The following SUGCT variants were observed in gnomAD, a reference collection of about 807,000 sequenced individuals.
SUGCT encodes succinyl-CoA:glutarate-CoA transferase.
In SUGCT, 41 loss-of-function variants were observed where a neutral mutation model predicts 55.0. That is an observed-to-expected ratio of 0.74 (90% confidence interval 0.58 to 0.97). The LOEUF is 0.97. Ranked by LOEUF, SUGCT falls within the 50% of genes least tolerant of loss-of-function variation. The probability of loss-of-function intolerance (pLI) is 0.00; values close to 1 mark genes in which losing one functional copy is unlikely to be tolerated. For synonymous variants in SUGCT, 187 were observed against 200.4 expected, an observed-to-expected ratio of 0.93 and a Z score of 0.56; for missense variants, 568 against 547.8, an observed-to-expected ratio of 1.04 and a Z score of -0.37.
At chr7:40,377,208 C>T (rs1194418820) in intron 9 of SUGCT, among the ~76,000 whole-genome samples, 73 of 5,382 alleles carry the variant, frequency 0.014, no homozygotes, top group Middle Eastern at 0.12. Flanking sequence ...CTTTTCTTTT[C>T]TTTTCTTTCT....
chr7:40,495,098 G>T (rs1394875420), intron 11 of SUGCT, among the ~76,000 whole-genome samples: 2 of 151,968 alleles, frequency 1.3e-5, no homozygotes. Context: ...TTTTAGTAGA[G>T]ACAGGGTTTC....
chr7:40,153,767 T>G, intron 1 of SUGCT: 1 of 421,146 alleles, frequency 2.4e-6, no homozygotes, highest in South Asian at 2.0e-5. Flanking sequence ...AAGAGCCAAA[T>G]TAAAGAAGGC....
chr7:40,907,833 A>T, the SUGCT span, among the ~76,000 whole-genome samples: 7 of 152,190 alleles, frequency 4.6e-5, no homozygotes, highest in Admixed American at 2.0e-4. Context: ...GTTTGACATC[A>T]TCCTCACCAA....
chr7:40,291,283 A>C (rs1483286584), intron 8 of SUGCT, among the ~76,000 whole-genome samples: 2 of 151,976 alleles, frequency 1.3e-5, no homozygotes, highest in Admixed American at 1.3e-4. Context: ...AGACTGGATT[A>C]AGAAAATGTG....
At chr7:40,328,405 G>A (rs935551098) in intron 9 of SUGCT, among the ~76,000 whole-genome samples, 2 of 152,158 alleles carry the variant, frequency 1.3e-5, no homozygotes, top group African/African-American at 4.8e-5. Context: ...GGTTTTAGCT[G>A]TTGTGAGACT....
intron 13 of SUGCT, among the ~76,000 whole-genome samples, chr7:40,771,986 C>T (rs1287167742): frequency 6.6e-6 from 1 of 152,042 alleles, no homozygotes; most frequent in African/African-American, 2.4e-5. Flanking sequence ...CATCTTGCTC[C>T]TTAAAACTAG....
chr7:40,469,960 T>C (rs1790319696), intron 11 of SUGCT, among the ~76,000 whole-genome samples: 1 of 152,134 alleles, frequency 6.6e-6, no homozygotes, highest in Non-Finnish European at 1.5e-5. Context: ...GGGAGCTGGA[T>C]AGAAGTTTGG....
At position 40,353,063 on chromosome 7, in the gene SUGCT, C is replaced by T. The variant is rs528181515; in HGVS notation, c.816+36208C>T. Among the ~76,000 whole-genome samples, 17 of 152,046 alleles carry T rather than the reference C, an allele frequency of 1.1e-4. No individual in the cohort carries two copies. In the East Asian group the frequency reaches 3.3e-3, roughly 29 times the overall value. On this transcript the variant is annotated intron_variant, in intron 9 of 13. Transcript: ENST00000335693. Reference sequence around the variant, plus strand: ...CACTTTTTCATATGCTTGTTGGCCACACGTGTCTTCTTTTGAAAAGTGTCT... The same window carrying T: ...CACTTTTTCATATGCTTGTTGGCCATACGTGTCTTCTTTTGAAAAGTGTCT...
chr7:40,803,319 G>C (rs1338353749), intron 13 of SUGCT, among the ~76,000 whole-genome samples: 1 of 152,098 alleles, frequency 6.6e-6, no homozygotes, highest in African/African-American at 2.4e-5. Context: ...GTCCTTCATG[G>C]ATATTGTTCC....
intron 12 of SUGCT, among the ~76,000 whole-genome samples, chr7:40,559,694 T>C (rs532515333): frequency 3.2e-4 from 49 of 152,362 alleles, no homozygotes; most frequent in Non-Finnish European, 6.2e-4. Context: ...TAAAAACTTT[T>C]TGGTTTTCAT....
chr7:40,909,025 G>A, the SUGCT span, among the ~76,000 whole-genome samples: 3 of 152,050 alleles, frequency 2.0e-5, no homozygotes, highest in Non-Finnish European at 2.9e-5. Flanking sequence ...ATACCCCCAA[G>A]ACTATCTCTG....
intron 12 of SUGCT, among the ~76,000 whole-genome samples, chr7:40,516,727 G>A (rs1452585215): frequency 6.6e-6 from 1 of 151,990 alleles, no homozygotes; most frequent in Admixed American, 6.6e-5. Context: ...CTTGATTACT[G>A]TAGCTCTGTT....
intron 12 of SUGCT, among the ~76,000 whole-genome samples, chr7:40,677,682 G>A (rs553636959): frequency 1.3e-5 from 2 of 152,156 alleles, no homozygotes; most frequent in South Asian, 2.1e-4. Context: ...TAATAAGAAC[G>A]TTCATATCTT....
At chr7:40,274,195 A>T in intron 7 of SUGCT, among the ~76,000 whole-genome samples, 1 of 147,556 alleles carries the variant, frequency 6.8e-6, no homozygotes. Context: ...TTTTTAGCAT[A>T]AACAAGATAA....
intron 8 of SUGCT, among the ~76,000 whole-genome samples, chr7:40,303,342 T>G (rs1325448993): frequency 6.6e-6 from 1 of 152,126 alleles, no homozygotes; most frequent in African/African-American, 2.4e-5. Flanking sequence ...CCAAGAAAGC[T>G]GTTTCTATAA....
At chr7:40,760,271 A>G (rs1428829990) in intron 13 of SUGCT, among the ~76,000 whole-genome samples, 1 of 152,194 alleles carries the variant, frequency 6.6e-6, no homozygotes, top group African/African-American at 2.4e-5. Flanking sequence ...TTGTGTTGGT[A>G]TAATAGAGTT....
the SUGCT span, chr7:40,968,208 A>T: frequency 6.6e-6 from 1 of 152,248 alleles, no homozygotes; most frequent in South Asian, 2.1e-4. Context: ...AAATAGGATG[A>T]GGCAATCTAG....
At chr7:40,564,227 T>A (rs1162353373) in intron 12 of SUGCT, among the ~76,000 whole-genome samples, 1 of 151,948 alleles carries the variant, frequency 6.6e-6, no homozygotes, top group East Asian at 1.9e-4. Flanking sequence ...TACAAAAAAA[T>A]TAGCCGGGTG....
At chr7:41,011,880 C>T in the SUGCT span, among the ~76,000 whole-genome samples, 3 of 151,628 alleles carry the variant, frequency 2.0e-5, no homozygotes, top group Non-Finnish European at 4.4e-5. Flanking sequence ...GTTCCAACCC[C>T]GAATCAGCTT....
Sources: gnomAD v4.1 joint callset for allele counts (sites outside exome capture counted in the v4.1 genomes callset) on GRCh38, gnomAD v4.1.1 for gene constraint, MANE v1.5 for transcripts, NCBI Gene and HGNC (gene_info 2026-07-23, HGNC 2026-07-21) for gene names.